Variants in CSMD1 observed in about 807,000 individuals in gnomAD.
CSMD1 encodes the protein CUB and sushi domain-containing protein 1.
CSMD1 carries 213 observed loss-of-function variants against 417.5 expected under a neutral mutation model. The ratio of observed to expected loss-of-function variants is 0.51; its 90% CI spans 0.46 to 0.57. CSMD1 has a LOEUF of 0.57. Among genes scored for constraint, CSMD1 ranks in the 20% least tolerant of loss-of-function variants. The pLI is 0.00. For synonymous variants in CSMD1, 2,862 were observed against 1,736.8 expected (o/e 1.65, Z -16.11); for missense variants, 6,923 against 4,529.7 (o/e 1.53, Z -15.17).
intron 5 of CSMD1, among the ~76,000 whole-genome samples, chr8:3,858,530 G>C (rs1339457161): frequency 6.6e-6 from 1 of 152,280 alleles, no homozygotes; most frequent in East Asian, 1.9e-4. Context: ...TTGAATAAAA[G>C]TGCATAGAGC....
At chr8:4,162,128 A>G (rs574132519) in intron 3 of CSMD1, among the ~76,000 whole-genome samples, 2 of 152,336 alleles carry the variant, frequency 1.3e-5, no homozygotes, top group Middle Eastern at 3.4e-3. Context: ...ATGATTCTAA[A>G]TAAACTAAAC....
intron 26 of CSMD1, among the ~76,000 whole-genome samples, chr8:3,276,245 G>A (rs1291082562): frequency 6.6e-6 from 1 of 152,128 alleles, no homozygotes; most frequent in Non-Finnish European, 1.5e-5. Context: ...CTTCTTGGGG[G>A]TCAGGGACCC....
intron 1 of CSMD1, among the ~76,000 whole-genome samples, chr8:4,898,561 G>A (rs1264018493): frequency 2.0e-5 from 3 of 152,194 alleles, no homozygotes; most frequent in Non-Finnish European, 2.9e-5. Context: ...ATCCAAGGGT[G>A]AGCATGGCTC....
chr8:3,866,800 A>T (rs117347946), intron 5 of CSMD1, among the ~76,000 whole-genome samples: 1 of 152,288 alleles, frequency 6.6e-6, no homozygotes, highest in Non-Finnish European at 1.5e-5. Flanking sequence ...ACGGCTCACA[A>T]ATCCTTAATA....
chr8:4,667,816 T>C (rs372943447), intron 1 of CSMD1, among the ~76,000 whole-genome samples: 161 of 152,308 alleles, frequency 1.1e-3, no homozygotes, highest in African/African-American at 3.8e-3. Context: ...GATAATCTTA[T>C]TTTATCCTTC....
intron 5 of CSMD1, among the ~76,000 whole-genome samples, chr8:3,887,023 G>A (rs1433554028): frequency 6.6e-6 from 1 of 152,104 alleles, no homozygotes; most frequent in African/African-American, 2.4e-5. Context: ...GGACTTCAGT[G>A]ACCTTTCAAA....
intron 12 of CSMD1, among the ~76,000 whole-genome samples, chr8:3,439,306 TATA>T (rs1462313631): frequency 0.031 from 1,554 of 49,862 alleles, 65 homozygotes; most frequent in Non-Finnish European, 0.041. Flanking sequence ...TATATATATA[TATA>T]TTTTTTTTTT....
intron 1 of CSMD1, among the ~76,000 whole-genome samples, chr8:4,976,646 C>A (rs1172183156): frequency 6.6e-6 from 1 of 152,074 alleles, no homozygotes; most frequent in Admixed American, 6.6e-5. Flanking sequence ...TTGCTATGAC[C>A]CTCGTCCACC....
chr8:4,743,052 T>C (rs1446530066), intron 1 of CSMD1, among the ~76,000 whole-genome samples: 1 of 152,210 alleles, frequency 6.6e-6, no homozygotes, highest in Non-Finnish European at 1.5e-5. Context: ...TTGTTTGTAT[T>C]TTATTACATT....
intron 3 of CSMD1, among the ~76,000 whole-genome samples, chr8:4,291,852 T>G (rs1797385574): frequency 6.6e-6 from 1 of 152,190 alleles, no homozygotes; most frequent in Non-Finnish European, 1.5e-5. Flanking sequence ...AATAATTAAC[T>G]CATGTGAAAT....
chr8:4,471,671 G>C (rs574214976), intron 2 of CSMD1, among the ~76,000 whole-genome samples: 1 of 152,206 alleles, frequency 6.6e-6, no homozygotes, highest in Non-Finnish European at 1.5e-5. Context: ...CCCTGGTTGA[G>C]GAAGGCCAGC....
chr8:3,004,598 A>G (rs1807711518), intron 52 of CSMD1, among the ~76,000 whole-genome samples: 1 of 152,232 alleles, frequency 6.6e-6, no homozygotes. Flanking sequence ...ATGTAAATAT[A>G]TCCTCATGGA....
chr8:3,278,459 T>A (rs541407820), intron 26 of CSMD1: 1 of 152,342 alleles, frequency 6.6e-6, no homozygotes, highest in East Asian at 1.9e-4. Flanking sequence ...AAATCTCATT[T>A]AATACAATTG....
intron 7 of CSMD1, among the ~76,000 whole-genome samples, chr8:3,703,471 CATTCATT>C (rs1800989289): frequency 6.7e-6 from 1 of 150,232 alleles, no homozygotes; most frequent in African/African-American, 2.4e-5. Flanking sequence ...TTCATTCATT[CATTCATT>C]CATCAGTAGA....
intron 54 of CSMD1, among the ~76,000 whole-genome samples, chr8:2,987,871 G>A (rs1806060833): frequency 6.6e-6 from 1 of 152,126 alleles, no homozygotes; most frequent in Non-Finnish European, 1.5e-5. Flanking sequence ...GAGGAGCTTT[G>A]TTAAGTCACA....
intron 10 of CSMD1, among the ~76,000 whole-genome samples, chr8:3,511,483 G>A (rs576129197): frequency 2.6e-5 from 4 of 151,810 alleles, no homozygotes; most frequent in South Asian, 2.1e-4. Context: ...AGCCAGGCAC[G>A]TTGGCTCACG....
chr8:3,373,028 G>T (rs968316020), intron 18 of CSMD1, among the ~76,000 whole-genome samples: 1 of 152,140 alleles, frequency 6.6e-6, no homozygotes, highest in Non-Finnish European at 1.5e-5. Context: ...TTATGAAGAC[G>T]ATCACCATAA....
At chr8:4,668,458 A>ATTATTATTATTG (rs1805087024) in intron 1 of CSMD1, among the ~76,000 whole-genome samples, 1 of 144,468 alleles carries the variant, frequency 6.9e-6, no homozygotes, top group East Asian at 2.0e-4. Flanking sequence ...TATTATTATT[A>ATTATTATTATTG]TTATTATTTG....
In CSMD1 at chr8:3,713,286, T is replaced by C. The variant is rs79289763; in HGVS notation, c.932-4795A>G. 1.4e-4 allele frequency among the ~76,000 whole-genome samples: 22 copies of C among 152,330 alleles called. No homozygotes were observed. The East Asian group carries it at 4.1e-3, about 28-fold the overall frequency. ...CTAAGTGGTTAGGTTAAAACTCACT[T>C]TCTGTAGGTTGTTTGAAAATGTGAC... On this transcript the variant is annotated intron_variant, in intron 6 of 69. Transcript: ENST00000635120.
Sources: allele counts gnomAD v4.1 joint callset (sites outside exome capture counted in the v4.1 genomes callset), GRCh38; gene constraint gnomAD v4.1.1; transcripts MANE v1.5; gene names NCBI Gene and HGNC (gene_info 2026-07-23, HGNC 2026-07-21).